The following LHX8 variants were observed in gnomAD, a reference collection of about 807,000 sequenced individuals.
The protein encoded by LHX8 is LIM homeobox 8, also known as LIM/homeobox protein Lhx8.
LHX8 carries 12 observed loss-of-function variants against 40.3 expected under a neutral mutation model. That is an observed-to-expected ratio of 0.30 (90% CI 0.19 to 0.48). LHX8 has a LOEUF of 0.48. Ranked by LOEUF, LHX8 falls within the 20% of genes least tolerant of loss-of-function variation. The pLI is 0.99. For missense variants in LHX8, 344 were observed against 433.7 expected (o/e 0.79, Z 1.84); for synonymous variants, 179 against 162.0 (o/e 1.10, Z -0.80).
chr1:75,186,244 A>G, the LHX8 span, among the ~76,000 whole-genome samples: 1 of 152,186 alleles, frequency 6.6e-6, no homozygotes, highest in Non-Finnish European at 1.5e-5. Context: ...AAGCAATCCT[A>G]AGTAAGAAGA....
At chr1:75,191,999 G>A in the LHX8 span, among the ~76,000 whole-genome samples, 1 of 152,120 alleles carries the variant, frequency 6.6e-6, no homozygotes, top group African/African-American at 2.4e-5. Context: ...AAAAAAAAAT[G>A]TTACATATTT....
chr1:75,132,205 C>T (rs1322822001), upstream of LHX8: 1 of 152,220 alleles, frequency 6.6e-6, no homozygotes, highest in African/African-American at 2.4e-5. Context: ...CTTCGTACGC[C>T]CACCCCTGAC....
chr1:75,132,274 AG>A (rs1647993948), upstream of LHX8: 1 of 152,330 alleles, frequency 6.6e-6, no homozygotes, highest in Non-Finnish European at 1.5e-5. Context: ...TGGGATTCAT[AG>A]CAAACACATT....
the LHX8 span, among the ~76,000 whole-genome samples, chr1:75,195,695 C>T: frequency 6.6e-6 from 1 of 152,064 alleles, no homozygotes; most frequent in Non-Finnish European, 1.5e-5. Flanking sequence ...CATGCTGTGC[C>T]CATCCCAATG....
At chr1:75,184,806 A>G in the LHX8 span, among the ~76,000 whole-genome samples, 1 of 150,804 alleles carries the variant, frequency 6.6e-6, no homozygotes, top group Non-Finnish European at 1.5e-5. Flanking sequence ...CAAAAGATGA[A>G]TAAATCCAGC....
At chr1:75,182,642 G>T in the LHX8 span, among the ~76,000 whole-genome samples, 3 of 152,176 alleles carry the variant, frequency 2.0e-5, no homozygotes, top group Admixed American at 2.0e-4. Context: ...CAAAGTGCTG[G>T]GATTACAGGC....
At chr1:75,144,014 C>T in intron 6 of LHX8, 66 bp downstream of exon 6, 2 of 1,180,082 alleles carry the variant, frequency 1.7e-6, no homozygotes, top group Non-Finnish European at 2.5e-6. Context: ...AAAGTAACCT[C>T]CATGCTGCCC....
intron 2 of LHX8, 35 bp from the exon 3 acceptor site, chr1:75,137,065 G>T: frequency 6.3e-7 from 1 of 1,583,016 alleles, no homozygotes. Context: ...GGGAGGAGGG[G>T]TCTAGAACCG....
At chr1:75,136,748 G>A in intron 2 of LHX8, 59 bp downstream of exon 2, 4 of 1,345,854 alleles carry the variant, frequency 3.0e-6, no homozygotes, top group African/African-American at 1.4e-5. Flanking sequence ...GGCGCAGGAC[G>A]AAGGGCCGCT....
At chr1:75,160,461 C>G in intron 8 of LHX8, 1 of 265,342 alleles carries the variant, frequency 3.8e-6, no homozygotes, top group Admixed American at 4.9e-5. Flanking sequence ...ATGAAAGAAA[C>G]TTGGGGAAGA....
the LHX8 span, among the ~76,000 whole-genome samples, chr1:75,178,431 TTTTTCTAGA>T: frequency 6.6e-6 from 1 of 152,200 alleles, no homozygotes; most frequent in Non-Finnish European, 1.5e-5. Flanking sequence ...ATTTATCCAT[TTTTTCTAGA>T]TTTTCTAGTT....
chr1:75,159,182 C>T (rs1414206473), intron 8 of LHX8: 3 of 152,168 alleles, frequency 2.0e-5, no homozygotes, highest in Non-Finnish European at 4.4e-5. Flanking sequence ...ACCTTGTCTT[C>T]TGATTTTCAT....
chr1:75,129,485 A>G (rs1647908025), upstream of LHX8, among the ~76,000 whole-genome samples: 1 of 152,146 alleles, frequency 6.6e-6, no homozygotes, highest in Admixed American at 6.5e-5. Context: ...CCGGAGGTGG[A>G]AGTGTTGCTG....
chr1:75,155,370 G>C (rs916414836), intron 7 of LHX8, among the ~76,000 whole-genome samples: 1 of 151,754 alleles, frequency 6.6e-6, no homozygotes, highest in East Asian at 1.9e-4. Flanking sequence ...AAGTAGCTGG[G>C]ACTACAGGCA....
the LHX8 span, among the ~76,000 whole-genome samples, chr1:75,167,847 T>G: frequency 3.3e-5 from 5 of 152,206 alleles, no homozygotes; most frequent in Admixed American, 3.3e-4. Context: ...ATGGAAGTTC[T>G]CTGCCTCAGA....
At chr1:75,192,681 C>T in the LHX8 span, among the ~76,000 whole-genome samples, 369 of 148,192 alleles carry the variant, frequency 2.5e-3, 2 homozygotes, top group East Asian at 0.02. Context: ...TGTGTCCAGG[C>T]GCTATGCTTT....
Position 75,143,196 on chromosome 1 carries a change from C to G in LHX8, c.438C>G (p.Val146=). 6.2e-7 allele frequency: 1 copy of G among 1,613,784 alleles called. No individual in the cohort carries two copies. The highest frequency in any genetic ancestry group is 8.5e-7 in the Non-Finnish European group (1 of 1,179,778). Residue 146 remains valine, a synonymous_variant, in exon 5 of 9, where the codon GTC becomes GTG. Coordinates refer to ENST00000356261, the MANE Select transcript of LHX8 (RefSeq NM_001256114.2). The part of the protein sequence containing the change: ...TDWVRRAKGN[V]YHLACFACFS... Reference sequence around the variant, plus strand: ...GGGTCCGGAGAGCCAAGGGGAATGTCTATCACTTGGCATGCTTTGCCTGCT... The same window carrying G: ...GGGTCCGGAGAGCCAAGGGGAATGTGTATCACTTGGCATGCTTTGCCTGCT...
chr1:75,137,582 GAC>G (rs1204554584), intron 3 of LHX8, among the ~76,000 whole-genome samples: 1 of 152,188 alleles, frequency 6.6e-6, no homozygotes, highest in Non-Finnish European at 1.5e-5. Context: ...TCCATTCTGA[GAC>G]AGAAACCTGC....
the LHX8 span, among the ~76,000 whole-genome samples, chr1:75,172,270 C>T: frequency 4.6e-5 from 7 of 152,294 alleles, no homozygotes; most frequent in Non-Finnish European, 7.3e-5. Context: ...GATCTTTAAA[C>T]AGTCACATTT....
Sources: allele counts gnomAD v4.1 joint callset (sites outside exome capture counted in the v4.1 genomes callset), GRCh38; gene constraint gnomAD v4.1.1; transcripts MANE v1.5; gene names NCBI Gene and HGNC (gene_info 2026-07-23, HGNC 2026-07-21).